The following GON4L variants were observed in gnomAD, a reference collection of about 807,000 sequenced individuals.
GON4L encodes the protein GON-4-like protein.
Under a neutral mutation model 211.8 loss-of-function variants are expected in GON4L, and 87 were observed. The observed-to-expected ratio is 0.41, with a 90% CI of 0.35 to 0.49. The LOEUF (loss-of-function observed/expected upper bound fraction) is 0.49, where lower values mean the gene tolerates loss of function less well. Among genes scored for constraint, GON4L ranks in the 20% least tolerant of loss-of-function variants. GON4L has a pLI of 0.15. For synonymous variants in GON4L, 875 were observed against 962.6 expected (o/e 0.91, Z 1.68); for missense variants, 2,155 against 2,659.5 (o/e 0.81, Z 4.17).
intron 2 of GON4L, among the ~76,000 whole-genome samples, chr1:155,842,975 A>C (rs996006624): frequency 6.6e-6 from 1 of 152,164 alleles, no homozygotes; most frequent in Non-Finnish European, 1.5e-5. Flanking sequence ...AGCTAGGTAC[A>C]CCTGTCCCGG....
chr1:155,765,967 G>C lies in GON4L; in HGVS notation c.3506C>G (p.Ala1169Gly), dbSNP rs1039617131. The C allele has an allele frequency of 2.5e-6, 4 of 1,614,028 alleles. No individual in the cohort carries two copies. Reference protein sequence around the residue: ...GGCNMIQPVNAAVAQSPQTIP... With the variant: ...GGCNMIQPVNGAVAQSPQTIP... ...AGTCTGGGGACTCTGGGCCACAGCCGCATTGACAGGCTGGATCATGTTACA... is the reference window on the plus strand; with the variant it reads ...AGTCTGGGGACTCTGGGCCACAGCCCCATTGACAGGCTGGATCATGTTACA... The change falls in exon 21 of 32, where the codon GCG (alanine) becomes GGG (glycine). Residue 1169 changes from alanine to glycine, a missense_variant. Physicochemically the swap from Ala to Gly is moderately conservative, Grantham distance 60. This residue lies in a region of GON4L where 615 missense variants were observed against 625.7 expected (regional missense o/e 0.98). Transcript: ENST00000368331.
Position 155,821,552 on chromosome 1 carries a change from G to C in GON4L, c.889-4C>G. 1 of 1,578,828 alleles carries C rather than the reference G, an allele frequency of 6.3e-7. No homozygotes were observed. The highest frequency in any genetic ancestry group is 2.2e-5 in the East Asian group (1 of 44,620). On this transcript the variant is annotated splice_region_variant and splice_polypyrimidine_tract_variant and intron_variant, in intron 4 of 31. Coordinates refer to ENST00000368331, the MANE Select transcript of GON4L (RefSeq NM_001282860.2). Reference sequence around the variant, plus strand: ...CGTGTTCATTTGTGATTACTTCCTGGAGAAAGATGAAATTTCACTTTATGC... The same window carrying C: ...CGTGTTCATTTGTGATTACTTCCTGCAGAAAGATGAAATTTCACTTTATGC...
At chr1:155,781,469 TTA>T (rs1664420378) in intron 14 of GON4L, among the ~76,000 whole-genome samples, 1 of 151,402 alleles carries the variant, frequency 6.6e-6, no homozygotes, top group South Asian at 2.1e-4. Context: ...ATTATTATTA[TTA>T]TTATTTTTTG....
At chr1:155,772,484 G>A (rs1663295136) in intron 18 of GON4L, among the ~76,000 whole-genome samples, 1 of 151,894 alleles carries the variant, frequency 6.6e-6, no homozygotes, top group Non-Finnish European at 1.5e-5. Context: ...TGGGTGTGGT[G>A]GCTCATGCCT....
Position 155,765,627 on chromosome 1 carries a change from C to T in GON4L, c.3846G>A (p.Leu1282=). ...TCCAGCGACAGGCACTATTCTCTGACAATCCTTCTTGGCACTCTGCATCTG... is the reference window on the plus strand; with the variant it reads ...TCCAGCGACAGGCACTATTCTCTGATAATCCTTCTTGGCACTCTGCATCTG... ...PLADAECQEG[L]SENSACRWTV... The change falls in exon 21 of 32, where the codon TTG becomes TTA. Residue 1282 remains leucine (L), a synonymous_variant. Coordinates refer to ENST00000368331, the MANE Select transcript of GON4L (RefSeq NM_001282860.2). The T allele has an allele frequency of 6.2e-7, 1 of 1,614,188 alleles. No homozygotes were observed. Among genetic ancestry groups the T allele is most frequent in the Non-Finnish European group, 8.5e-7 (1 of 1,180,030 alleles).
At chr1:155,768,386 A>G (rs962772284) in intron 19 of GON4L, among the ~76,000 whole-genome samples, 16 of 150,640 alleles carry the variant, frequency 1.1e-4, no homozygotes, top group African/African-American at 3.9e-4. Flanking sequence ...TGAGGTGGGC[A>G]GATCACGAGG....
At chr1:155,762,036 T>C (rs1661860410) in intron 23 of GON4L, among the ~76,000 whole-genome samples, 154 bp downstream of exon 23, 1 of 152,238 alleles carries the variant, frequency 6.6e-6, no homozygotes, top group Non-Finnish European at 1.5e-5. Flanking sequence ...CTTGTGGTTC[T>C]GTCACAGAGA....
chr1:155,773,381 A>G lies in GON4L; in HGVS notation c.2351-171T>C, dbSNP rs535225910. ...TTCCAGTCTTTCTTAAGCTAACATT[A>G]TATCTAAAGGGAGTCCCATTCAATG... is the stretch of plus-strand genomic sequence containing the variant. On this transcript the variant is annotated intron_variant, in intron 17 of 31. Transcript: ENST00000368331. The G allele has an allele frequency of 2.1e-5, 14 of 670,844 alleles. No individual in the cohort carries two copies. The East Asian group carries it at 3.3e-4, about 16-fold the overall frequency. 41.6% of individuals were successfully genotyped at this position (670,844 alleles called of 1,614,324 possible). A position where few individuals can be genotyped will look rare whatever the true frequency, so the allele number is the denominator to read the frequency against.
At position 155,751,987 on chromosome 1, in the gene GON4L, G is replaced by T; in HGVS notation, c.6446C>A (p.Thr2149Asn). The T allele has an allele frequency of 2.5e-6, 4 of 1,612,442 alleles. No individual in the cohort carries two copies. Among genetic ancestry groups the T allele is most frequent in the Non-Finnish European group, 3.4e-6 (4 of 1,178,684 alleles). Residue 2149 changes from threonine (T) to asparagine (N), a missense_variant, in exon 30 of 32, where the codon ACT becomes AAT. Transcript: ENST00000368331. ...VCANNSKVSS[T>N]GEKVVLWTRE... ...TGTCCACAGGACAACCTTTTCCCCA[G>T]TGGAGCTGACCTTGCTGTTGTTGGC...
chr1:155,745,999 C>T (rs1206997993), downstream of GON4L: 7 of 805,718 alleles, frequency 8.7e-6, no homozygotes, highest in Non-Finnish European at 1.4e-5. Flanking sequence ...CTCTCTGCTT[C>T]CCCAGGATGC....
chr1:155,845,853 C>A (rs1886618), intron 2 of GON4L: 1 of 246,068 alleles, frequency 4.1e-6, no homozygotes, highest in Non-Finnish European at 8.3e-6. Context: ...AGTGAAACTG[C>A]AGCAGAGGAA....
At chr1:155,760,836 G>A (rs1661710022) in intron 23 of GON4L, among the ~76,000 whole-genome samples, 195 bp from the exon 24 acceptor site, 1 of 152,262 alleles carries the variant, frequency 6.6e-6, no homozygotes, top group South Asian at 2.1e-4. Context: ...ATCTTTTTCT[G>A]GGAGTGAGCA....
At chr1:155,822,919 C>T (rs1263749170) in intron 3 of GON4L, among the ~76,000 whole-genome samples, 1 of 152,200 alleles carries the variant, frequency 6.6e-6, no homozygotes, top group Admixed American at 6.5e-5. Flanking sequence ...CCTCAGCCTC[C>T]CGAGTAGCTG....
intron 2 of GON4L, among the ~76,000 whole-genome samples, chr1:155,850,773 G>A (rs538904076): frequency 3.9e-5 from 6 of 152,170 alleles, no homozygotes; most frequent in Admixed American, 6.5e-5. Flanking sequence ...TGAATAGGCC[G>A]GGTGCAGTGG....
intron 7 of GON4L, 56 bp downstream of exon 7, chr1:155,816,156 T>C: frequency 1.1e-6 from 1 of 880,642 alleles, no homozygotes; most frequent in East Asian, 2.5e-5. Context: ...TACTTAAGTT[T>C]CAAAACCGAT....
At chr1:155,787,835 T>C (rs889735200) in intron 12 of GON4L, among the ~76,000 whole-genome samples, 1 of 151,900 alleles carries the variant, frequency 6.6e-6, no homozygotes, top group Non-Finnish European at 1.5e-5. Context: ...TCCCAGCTAC[T>C]TGGGAGGCTG....
intron 10 of GON4L, among the ~76,000 whole-genome samples, chr1:155,808,037 A>ATTT (rs1387095812): frequency 6.6e-6 from 1 of 151,080 alleles, no homozygotes; most frequent in African/African-American, 2.4e-5. Flanking sequence ...TTTCTTATTT[A>ATTT]TTTATTTTTT....
chr1:155,748,172 C>T, downstream of GON4L: 2 of 1,506,422 alleles, frequency 1.3e-6, no homozygotes, highest in Non-Finnish European at 1.8e-6. Context: ...GCTACAGGGC[C>T]TCCTCATGCT....
downstream of GON4L, chr1:155,748,329 G>A: frequency 6.8e-7 from 1 of 1,472,706 alleles, no homozygotes; most frequent in African/African-American, 1.4e-5. Context: ...TCTCTCTGGT[G>A]TTAACATTCT....
Sources: gnomAD v4.1 joint callset for allele counts (sites outside exome capture counted in the v4.1 genomes callset) on GRCh38, gnomAD v4.1.1 for gene constraint, gnomAD v4.1.1 regional missense constraint, MANE v1.5 for transcripts, NCBI Gene and HGNC (gene_info 2026-07-23, HGNC 2026-07-21) for gene names.